CYYR1: variants seen among roughly 807,000 people sequenced by gnomAD.
The protein encoded by CYYR1 is cysteine and tyrosine rich 1.
Under a neutral mutation model 15.2 loss-of-function variants are expected in CYYR1, and 14 were observed. The observed-to-expected ratio is 0.92, with a 90% confidence interval of 0.61 to 1.44. The LOEUF (loss-of-function observed/expected upper bound fraction) is 1.44. Ranked by LOEUF, CYYR1 falls within the 40% of genes most tolerant of loss-of-function variation. CYYR1 has a pLI of 0.00. For synonymous variants in CYYR1, 80 were observed against 77.4 expected, an observed-to-expected ratio of 1.03 and a Z score of -0.18; for missense variants, 228 against 209.5, an observed-to-expected ratio of 1.09 and a Z score of -0.54.
intron 3 of CYYR1, among the ~76,000 whole-genome samples, chr21:26,478,571 G>C (rs1248517319): frequency 6.6e-6 from 1 of 152,256 alleles, no homozygotes; most frequent in South Asian, 2.1e-4. Flanking sequence ...AGAACCACAC[G>C]CTTTAATGCC....
intron 1 of CYYR1, chr21:26,568,442 A>T (rs1404045409): frequency 6.6e-6 from 1 of 152,194 alleles, no homozygotes; most frequent in Non-Finnish European, 1.5e-5. Flanking sequence ...CCTATCTTTT[A>T]CCACATACAA....
chr21:26,524,798 T>A (rs1323524420), intron 2 of CYYR1, among the ~76,000 whole-genome samples: 1 of 152,242 alleles, frequency 6.6e-6, no homozygotes, highest in East Asian at 1.9e-4. Context: ...ATTTTGTTTT[T>A]TTAAGAAAAT....
chr21:26,540,623 G>T (rs1268836344), intron 2 of CYYR1, among the ~76,000 whole-genome samples: 1 of 152,030 alleles, frequency 6.6e-6, no homozygotes, highest in African/African-American at 2.4e-5. Flanking sequence ...GATTTTAGAA[G>T]TTACCCACTG....
chr21:26,477,887 C>A, intron 3 of CYYR1: 4 of 1,290,592 alleles, frequency 3.1e-6, no homozygotes, highest in Non-Finnish European at 3.9e-6. Flanking sequence ...TTTACAGTAA[C>A]CCTACCAATA....
chr21:26,488,435 G>T (rs985102362), intron 2 of CYYR1, among the ~76,000 whole-genome samples: 26 of 152,028 alleles, frequency 1.7e-4, no homozygotes, highest in African/African-American at 6.3e-4. Flanking sequence ...TGTAATTTTT[G>T]TAGAGACAGG....
At chr21:26,472,927 G>A (rs2065054121) in intron 3 of CYYR1, among the ~76,000 whole-genome samples, 1 of 151,894 alleles carries the variant, frequency 6.6e-6, no homozygotes, top group African/African-American at 2.4e-5. Flanking sequence ...CGCTACATGT[G>A]TTATTTTATT....
chr21:26,470,758 A>G (rs150882352), intron 3 of CYYR1: 48 of 152,386 alleles, frequency 3.1e-4, no homozygotes, highest in South Asian at 2.3e-3. Context: ...TAGTTTGCCT[A>G]TCTTTACCAA....
At chr21:26,487,333 A>G (rs1055395193) in intron 2 of CYYR1, among the ~76,000 whole-genome samples, 3 of 152,124 alleles carry the variant, frequency 2.0e-5, no homozygotes, top group African/African-American at 7.2e-5. Context: ...ATCTTTTGTT[A>G]AAGAAGGTAA....
chr21:26,522,975 C>G (rs149756830), intron 2 of CYYR1, among the ~76,000 whole-genome samples: 1 of 151,984 alleles, frequency 6.6e-6, no homozygotes, highest in African/African-American at 2.4e-5. Flanking sequence ...GTCTGGACTT[C>G]GTCAGGAGGC....
At chr21:26,490,308 TA>T (rs892315553) in intron 2 of CYYR1, among the ~76,000 whole-genome samples, 7 of 151,264 alleles carry the variant, frequency 4.6e-5, no homozygotes, top group African/African-American at 1.7e-4. Flanking sequence ...TCAAAAAATT[TA>T]AAAAAAATAT....
At chr21:26,564,859 T>G (rs1052254497) in intron 2 of CYYR1, 2 of 1,132,440 alleles carry the variant, frequency 1.8e-6, no homozygotes, top group Non-Finnish European at 2.3e-6. Context: ...AAAAAAAAAA[T>G]TTAAATTTAT....
intron 2 of CYYR1, among the ~76,000 whole-genome samples, chr21:26,548,441 G>A (rs1447763008): frequency 1.3e-5 from 2 of 152,192 alleles, no homozygotes; most frequent in African/African-American, 2.4e-5. Context: ...CGAACTCCTG[G>A]GCTCAAGCAA....
At chr21:26,565,679 A>G (rs1260790016) in intron 2 of CYYR1, among the ~76,000 whole-genome samples, 1 of 152,164 alleles carries the variant, frequency 6.6e-6, no homozygotes, top group East Asian at 1.9e-4. Flanking sequence ...CTACATGTAC[A>G]TATTTCATTT....
intron 2 of CYYR1, among the ~76,000 whole-genome samples, chr21:26,515,621 C>T (rs2065717594): frequency 1.3e-5 from 2 of 152,122 alleles, no homozygotes; most frequent in Non-Finnish European, 2.9e-5. Context: ...GTCAGCCTCC[C>T]TGATGTCTTT....
intron 3 of CYYR1, among the ~76,000 whole-genome samples, chr21:26,477,398 T>C (rs2065118855): frequency 6.6e-6 from 1 of 152,184 alleles, no homozygotes; most frequent in Admixed American, 6.5e-5. Context: ...GTTTTCAGCA[T>C]GAGGTTCATT....
chr21:26,507,990 C>A (rs545135310), intron 2 of CYYR1, among the ~76,000 whole-genome samples: 1 of 152,252 alleles, frequency 6.6e-6, no homozygotes, highest in South Asian at 2.1e-4. Flanking sequence ...CAGATGTAAG[C>A]TCATAGTCAC....
intron 2 of CYYR1, chr21:26,551,118 C>T (rs1312214857): frequency 6.6e-6 from 1 of 152,606 alleles, no homozygotes; most frequent in Admixed American, 6.5e-5. Flanking sequence ...GCAACAAAGC[C>T]CTTATGGCAG....
At chr21:26,556,153 T>TA (rs1334701778) in intron 2 of CYYR1, among the ~76,000 whole-genome samples, 2 of 152,216 alleles carry the variant, frequency 1.3e-5, no homozygotes, top group East Asian at 3.8e-4. Flanking sequence ...CTAATCTGTA[T>TA]TCCATGAGAA....
chr21:26,570,985 A>G (rs1231416992), intron 1 of CYYR1, among the ~76,000 whole-genome samples: 1 of 152,180 alleles, frequency 6.6e-6, no homozygotes, highest in Non-Finnish European at 1.5e-5. Flanking sequence ...CTTTTTGCTG[A>G]ACAAAATAGA....
Sources: gnomAD v4.1 joint callset for allele counts (sites outside exome capture counted in the v4.1 genomes callset) on GRCh38, gnomAD v4.1.1 for gene constraint, MANE v1.5 for transcripts, NCBI Gene and HGNC (gene_info 2026-07-23, HGNC 2026-07-21) for gene names.